The following GRIN3A variants were observed in gnomAD, a reference collection of about 807,000 sequenced individuals.
GRIN3A encodes the protein glutamate ionotropic receptor NMDA type subunit 3A, also known as glutamate receptor ionotropic, NMDA 3A.
GRIN3A carries 47 observed loss-of-function variants against 92.4 expected under a neutral mutation model. The ratio of observed to expected loss-of-function variants is 0.51; its 90% CI spans 0.40 to 0.65. GRIN3A has a LOEUF of 0.65. Ranked by LOEUF, GRIN3A falls within the 30% of genes least tolerant of loss-of-function variation. The pLI, the probability that GRIN3A is intolerant of heterozygous loss-of-function variation, is 0.00. For missense variants in GRIN3A, 1,324 were observed against 1,393.1 expected (o/e 0.95, Z 0.79); for synonymous variants, 527 against 540.6 (o/e 0.97, Z 0.35).
chr9:101,609,977 G>A (rs1163024959), intron 6 of GRIN3A, among the ~76,000 whole-genome samples: 1 of 152,182 alleles, frequency 6.6e-6, no homozygotes, highest in Non-Finnish European at 1.5e-5. Flanking sequence ...GGAATTACAG[G>A]CATGAGCCAC....
intron 3 of GRIN3A, 69 bp from the exon 4 acceptor site, chr9:101,628,470 A>G (rs1828666934): frequency 1.3e-5 from 20 of 1,488,072 alleles, no homozygotes; most frequent in Non-Finnish European, 1.8e-5. Flanking sequence ...CATTTTTTTC[A>G]TAATTCTTTG....
intron 1 of GRIN3A, among the ~76,000 whole-genome samples, chr9:101,719,623 T>G (rs1398093288): frequency 6.6e-6 from 1 of 152,142 alleles, no homozygotes; most frequent in Non-Finnish European, 1.5e-5. Context: ...ATGGTTCCCC[T>G]GGCTTGAGCT....
At chr9:101,594,667 C>G (rs778025730) in intron 6 of GRIN3A, 5 of 1,614,194 alleles carry the variant, frequency 3.1e-6, no homozygotes, top group Non-Finnish European at 3.4e-6. Context: ...CCTCGTCGCC[C>G]TTGACGCTGA....
At chr9:101,640,641 A>G (rs961223870) in intron 3 of GRIN3A, among the ~76,000 whole-genome samples, 2 of 150,786 alleles carry the variant, frequency 1.3e-5, no homozygotes, top group African/African-American at 4.9e-5. Context: ...AACTCCCACA[A>G]TTCCCATGTG....
intron 6 of GRIN3A, chr9:101,594,337 C>G: frequency 6.6e-7 from 1 of 1,507,600 alleles, no homozygotes; most frequent in Non-Finnish European, 8.9e-7. Flanking sequence ...GACAGTTGGA[C>G]GTCTTGAGCA....
chr9:101,712,462 T>C (rs1829890574), intron 1 of GRIN3A, among the ~76,000 whole-genome samples: 1 of 152,134 alleles, frequency 6.6e-6, no homozygotes, highest in African/African-American at 2.4e-5. Flanking sequence ...GAAGAACAAA[T>C]GAGGTAGACA....
In GRIN3A at chr9:101,687,187, A is replaced by T; in HGVS notation, c.713T>A (p.Leu238Gln). The change falls in exon 2 of 9, where the codon CTA becomes CAA. Residue 238 changes from leucine to glutamine, a missense_variant. Transcript: ENST00000361820. ...FPRESQNPLH[L>Q]QLSLENSLSS... is the part of the protein sequence containing the mutation. ...TAATGAATTTTCTAAACTCAGTTGT[A>T]GGTGAAGGGGATTCTGTATTTAAAG... 1 of 1,613,932 alleles carries T rather than the reference A, an allele frequency of 6.2e-7. No homozygotes were observed. Among genetic ancestry groups the T allele is most frequent in the Non-Finnish European group, 8.5e-7 (1 of 1,179,818 alleles).
chr9:101,693,728 G>C (rs996001395), intron 1 of GRIN3A, among the ~76,000 whole-genome samples: 1 of 151,968 alleles, frequency 6.6e-6, no homozygotes, highest in Non-Finnish European at 1.5e-5. Flanking sequence ...TGTTTTCTTC[G>C]CTCATCCTCC....
chr9:101,624,703 A>G lies in GRIN3A; in HGVS notation c.2499-1270T>C, dbSNP rs568129599. Among the ~76,000 whole-genome samples, 571 of 152,272 alleles carry G rather than the reference A, an allele frequency of 3.7e-3. 6 individuals carry two copies. Among genetic ancestry groups the G allele is most frequent in the Middle Eastern group, 3.4e-3 (1 of 294 alleles). ...TAAACATACATGTGCATGTGTCTTT[A>G]TAGCAGCATGATTTATAGTTCTTTG... On this transcript the variant is annotated intron_variant, in intron 4 of 8. Coordinates refer to ENST00000361820, the MANE Select transcript of GRIN3A (RefSeq NM_133445.3).
At chr9:101,631,037 G>A (rs1047550183) in intron 3 of GRIN3A, among the ~76,000 whole-genome samples, 6 of 151,746 alleles carry the variant, frequency 4.0e-5, no homozygotes, top group African/African-American at 7.3e-5. Flanking sequence ...TTCTTTTTTC[G>A]TAAGCCCTTA....
At chr9:101,644,460 C>CA (rs35576054) in intron 3 of GRIN3A, among the ~76,000 whole-genome samples, 10,826 of 94,872 alleles carry the variant, frequency 0.11, 620 homozygotes, top group East Asian at 0.16. Context: ...ATTAGTCACT[C>CA]AAAAAAAAAA....
In GRIN3A at chr9:101,719,830, A is replaced by G. The variant is rs73658827; in HGVS notation, c.699+17451T>C. Among the ~76,000 whole-genome samples the G allele has an allele frequency of 1.1e-3, 160 of 152,346 alleles. 2 individuals are homozygous for G. The highest frequency in any genetic ancestry group is 3.7e-3 in the African/African-American group (153 of 41,576). ...GATGCAATCTTAAATCTTAACTAAT[A>G]TATTTTTATGAATATAAACTAGCAA... On this transcript the variant is annotated intron_variant, in intron 1 of 8. Transcript: ENST00000361820.
chr9:101,600,766 C>T (rs911012627), intron 6 of GRIN3A: 4 of 152,138 alleles, frequency 2.6e-5, no homozygotes, highest in African/African-American at 7.2e-5. Context: ...GTAGGGAGGT[C>T]AAGGGAGAGC....
At chr9:101,732,303 G>T (rs981105129) in intron 1 of GRIN3A, among the ~76,000 whole-genome samples, 2 of 152,140 alleles carry the variant, frequency 1.3e-5, no homozygotes, top group African/African-American at 4.8e-5. Context: ...GAGTGAGAGT[G>T]GGGTAGACTC....
At chr9:101,622,601 AG>A (rs1374320744) in intron 5 of GRIN3A, among the ~76,000 whole-genome samples, 3 of 152,190 alleles carry the variant, frequency 2.0e-5, no homozygotes, top group Non-Finnish European at 4.4e-5. Context: ...AAGGATCCCA[AG>A]GTTTTGTTTG....
chr9:101,606,930 T>G (rs1265116528), intron 6 of GRIN3A, among the ~76,000 whole-genome samples: 4 of 130,732 alleles, frequency 3.1e-5, no homozygotes, highest in Non-Finnish European at 6.4e-5. Flanking sequence ...TTTTTTTTTT[T>G]GCTGAGTCAA....
At chr9:101,724,669 A>T (rs1275740391) in intron 1 of GRIN3A, among the ~76,000 whole-genome samples, 2 of 152,156 alleles carry the variant, frequency 1.3e-5, no homozygotes, top group African/African-American at 4.8e-5. Context: ...GCACGCTGTC[A>T]CCTCTCAGTA....
chr9:101,589,392 A>T (rs142161295), intron 6 of GRIN3A, among the ~76,000 whole-genome samples: 1 of 152,236 alleles, frequency 6.6e-6, no homozygotes, highest in African/African-American at 2.4e-5. Context: ...ACCCATAAAA[A>T]GGGTGAAAGC....
intron 6 of GRIN3A, chr9:101,595,108 GAGGAGGGAAAGA>G (rs1828102385): frequency 4.8e-6 from 3 of 629,884 alleles, no homozygotes; most frequent in Non-Finnish European, 8.2e-6. Flanking sequence ...GGAGCGGAGA[GAGGAGGGAAAGA>G]AGGAGGGAAA....
Sources: gnomAD v4.1 joint callset for allele counts (sites outside exome capture counted in the v4.1 genomes callset) on GRCh38, gnomAD v4.1.1 for gene constraint, MANE v1.5 for transcripts, NCBI Gene and HGNC (gene_info 2026-07-23, HGNC 2026-07-21) for gene names.